The following BNC2 variants were observed in gnomAD, a reference collection of about 807,000 sequenced individuals.
BNC2 encodes the protein zinc finger protein basonuclin-2.
A neutral mutation model predicts 76.3 loss-of-function variants in BNC2; 20 were observed. The observed-to-expected ratio is 0.26, with a 90% CI of 0.18 to 0.38. The LOEUF is 0.38. Ranked by LOEUF, BNC2 falls within the 10% of genes least tolerant of loss-of-function variation. The pLI is 1.00. For missense variants in BNC2, 1,382 were observed against 1,399.8 expected (o/e 0.99, Z 0.20); for synonymous variants, 582 against 514.8 (o/e 1.13, Z -1.77).
intron 1 of BNC2, among the ~76,000 whole-genome samples, chr9:16,770,059 C>T (rs558756299): frequency 6.6e-6 from 1 of 152,260 alleles, no homozygotes; most frequent in East Asian, 1.9e-4. Flanking sequence ...GAATGTAAGG[C>T]CCAGCAGTCA....
intron 3 of BNC2, among the ~76,000 whole-genome samples, chr9:16,700,007 A>G (rs1200717203): frequency 1.3e-5 from 2 of 152,216 alleles, no homozygotes; most frequent in African/African-American, 2.4e-5. Flanking sequence ...TTCCCAGTTA[A>G]GTTGATCCAC....
intron 1 of BNC2, among the ~76,000 whole-genome samples, chr9:16,759,143 C>T (rs1334932272): frequency 1.3e-5 from 2 of 152,126 alleles, no homozygotes; most frequent in Non-Finnish European, 2.9e-5. Context: ...CAAGTTACTA[C>T]TCCAACAGCT....
intron 5 of BNC2, among the ~76,000 whole-genome samples, chr9:16,442,015 G>A (rs1821138886): frequency 6.6e-6 from 1 of 152,174 alleles, no homozygotes; most frequent in Non-Finnish European, 1.5e-5. Flanking sequence ...GTACATAACT[G>A]AACTCTTGGC....
intron 5 of BNC2, among the ~76,000 whole-genome samples, chr9:16,504,498 G>C (rs1419890849): frequency 1.3e-5 from 2 of 152,018 alleles, no homozygotes; most frequent in African/African-American, 2.4e-5. Context: ...CCTGAATTCA[G>C]ATTAAAATGT....
intron 1 of BNC2, among the ~76,000 whole-genome samples, chr9:16,786,883 C>T (rs916069936): frequency 3.9e-5 from 6 of 152,134 alleles, no homozygotes; most frequent in African/African-American, 1.4e-4. Flanking sequence ...TCACCCCAAA[C>T]CCACGTGGTT....
At chr9:16,575,328 C>G in intron 4 of BNC2, 6 of 985,316 alleles carry the variant, frequency 6.1e-6, no homozygotes, top group Non-Finnish European at 7.2e-6. Flanking sequence ...CACGAAACTC[C>G]TTACCAGCAG....
Position 16,417,145 on chromosome 9 carries a change from A to T in BNC2, c.*1844T>A, listed in dbSNP as rs1387580142. 1 of 148,972 alleles carries T rather than the reference A, an allele frequency of 6.7e-6. No homozygotes were observed. Among genetic ancestry groups the T allele is most frequent in the African/African-American group, 2.6e-5 (1 of 38,878 alleles). The allele number at this position is 148,972 out of a possible 1,614,324, so 9.2% of individuals were successfully genotyped here. A position where few individuals can be genotyped will look rare whatever the true frequency, so the allele number is the denominator to read the frequency against. ...TTCTTTTCCCCTCCACTTAAAAAAA[A>T]AGGAAAAAAGAAAAAAAAAAGACAA... On this transcript the variant is annotated 3_prime_UTR_variant, in exon 7 of 7. Coordinates refer to ENST00000380672, the MANE Select transcript of BNC2 (RefSeq NM_017637.6).
At chr9:16,528,308 G>T (rs1817872836) in intron 5 of BNC2, among the ~76,000 whole-genome samples, 1 of 151,220 alleles carries the variant, frequency 6.6e-6, no homozygotes, top group Non-Finnish European at 1.5e-5. Flanking sequence ...TTTCATGGTG[G>T]GAAAACAATA....
chr9:16,464,371 AT>A (rs1381378161), intron 5 of BNC2, among the ~76,000 whole-genome samples: 7 of 151,998 alleles, frequency 4.6e-5, no homozygotes, highest in Non-Finnish European at 8.8e-5. Context: ...TACCCATATT[AT>A]TTTTTAATAT....
At chr9:16,561,392 C>T (rs1181002918) in intron 4 of BNC2, among the ~76,000 whole-genome samples, 4 of 152,126 alleles carry the variant, frequency 2.6e-5, no homozygotes, top group Non-Finnish European at 5.9e-5. Flanking sequence ...TTTTGCATTA[C>T]TCCACTGGGA....
chr9:16,822,088 A>G (rs1192564086), intron 1 of BNC2, among the ~76,000 whole-genome samples: 1 of 124,616 alleles, frequency 8.0e-6, no homozygotes, highest in East Asian at 2.2e-4. Context: ...GCCAGACTCC[A>G]TCTCAAAAAA....
intron 6 of BNC2, among the ~76,000 whole-genome samples, chr9:16,426,933 A>G (rs1820813574): frequency 6.6e-6 from 1 of 152,212 alleles, no homozygotes; most frequent in Non-Finnish European, 1.5e-5. Context: ...GTATCACCAT[A>G]TAGCACTGAA....
rs751439598 is a variant in BNC2, at chr9:16,436,438, G to A, written c.1756C>T (p.Pro586Ser). The change falls in exon 6 of 7, where the codon CCA becomes TCA. Residue 586 changes from proline to serine, a missense_variant. Pro to Ser is a moderately conservative substitution (Grantham distance 74). Around this residue, in one of 3 missense-constraint regions of BNC2, gnomAD observed 798 missense variants for 775.5 expected, o/e 1.03. Transcript: ENST00000380672. ...LLTPGEMVSPPTSLPTSPIIP... is the reference protein window; with the variant it reads ...LLTPGEMVSPSTSLPTSPIIP... ...ATGGGACTGGTTGGGAGGGAGGTTG[G>A]AGGACTCACCATTTCCCCTGGAGTG... The A allele has an allele frequency of 7.4e-6, 12 of 1,613,944 alleles. No individual in the cohort carries two copies. The South Asian group carries it at 1.2e-4, about 16-fold the overall frequency.
intron 1 of BNC2, among the ~76,000 whole-genome samples, chr9:16,859,823 A>C (rs1046940251): frequency 6.6e-6 from 1 of 152,256 alleles, no homozygotes; most frequent in African/African-American, 2.4e-5. Context: ...CTGTACACTT[A>C]AAAATGGTTA....
intron 3 of BNC2, among the ~76,000 whole-genome samples, chr9:16,607,980 C>T (rs1416138074): frequency 6.6e-6 from 1 of 152,102 alleles, no homozygotes; most frequent in Non-Finnish European, 1.5e-5. Context: ...TATCCAAAAA[C>T]CCCCATGGTA....
intron 5 of BNC2, among the ~76,000 whole-genome samples, chr9:16,497,197 G>C (rs1008360621): frequency 6.6e-6 from 1 of 152,204 alleles, no homozygotes; most frequent in African/African-American, 2.4e-5. Context: ...ATCTCAAAGT[G>C]TGGAACAGGG....
chr9:16,584,191 G>T (rs1819706625), intron 3 of BNC2, among the ~76,000 whole-genome samples: 1 of 152,134 alleles, frequency 6.6e-6, no homozygotes. Context: ...ACTGATTCTG[G>T]GGTGGAGGGG....
intron 3 of BNC2, chr9:16,665,213 A>C (rs1398907352): frequency 2.6e-6 from 1 of 381,716 alleles, no homozygotes; most frequent in African/African-American, 2.1e-5. Flanking sequence ...TACTAAAAAT[A>C]GAAAAAATTA....
intron 5 of BNC2, among the ~76,000 whole-genome samples, chr9:16,489,839 T>C (rs1182952490): frequency 6.6e-6 from 1 of 152,176 alleles, no homozygotes; most frequent in Non-Finnish European, 1.5e-5. Flanking sequence ...TAACAAAACT[T>C]GAGGAGGCAG....
Sources: allele counts gnomAD v4.1 joint callset (sites outside exome capture counted in the v4.1 genomes callset), GRCh38; gene constraint gnomAD v4.1.1; regional missense constraint gnomAD v4.1.1; transcripts MANE v1.5; gene names NCBI Gene and HGNC (gene_info 2026-07-23, HGNC 2026-07-21).